The following PIH1D2 variants were observed in gnomAD, a reference collection of about 807,000 sequenced individuals.
The protein encoded by PIH1D2 is PIH1 domain-containing protein 2.
A neutral mutation model predicts 31.2 loss-of-function variants in PIH1D2; 25 were observed. That is an observed-to-expected ratio of 0.80 (90% CI 0.58 to 1.12). The LOEUF is 1.12. Among genes scored for constraint, PIH1D2 ranks in the 50% most tolerant of loss-of-function variants. The pLI is 0.00. For synonymous variants in PIH1D2, 116 were observed against 119.9 expected, an observed-to-expected ratio of 0.97 and a Z score of 0.21; for missense variants, 310 against 356.6, an observed-to-expected ratio of 0.87 and a Z score of 1.05.
At chr11:112,067,216 T>A (rs146243231), downstream of PIH1D2, among the ~76,000 whole-genome samples, 1,628 of 152,314 alleles carry the variant, frequency 0.011, 24 homozygotes, top group African/African-American at 0.037. Flanking sequence ...CTAGAGACTT[T>A]TTCAAGCAGT....
chr11:112,073,010 C>G lies in PIH1D2; in HGVS notation c.165G>C (p.Gln55His). ...CAAPEPQLCL[Q>H]TRILKPKEKI... ...CAACTCGACATACCAGAATCCTGGTCTGTAGACAAAGCTGTGGTTCTGGGG... is the reference window on the plus strand; with the variant it reads ...CAACTCGACATACCAGAATCCTGGTGTGTAGACAAAGCTGTGGTTCTGGGG... Residue 55 changes from glutamine to histidine, a missense_variant, in exon 2 of 6, where the codon CAG (glutamine) becomes CAC (histidine). Physicochemically the swap from Gln to His is conservative, Grantham distance 24. Transcript: ENST00000280350. The G allele has an allele frequency of 1.2e-6, 2 of 1,611,164 alleles. No homozygotes were observed. Among genetic ancestry groups the G allele is most frequent in the East Asian group, 2.2e-5 (1 of 44,838 alleles).
At chr11:112,055,319 C>T in the PIH1D2 span, among the ~76,000 whole-genome samples, 1 of 143,434 alleles carries the variant, frequency 7.0e-6, no homozygotes, top group African/African-American at 2.6e-5. Context: ...TCTCGGCTCA[C>T]TGCAACCTCC....
At chr11:112,065,073 C>T (rs893532473), downstream of PIH1D2, among the ~76,000 whole-genome samples, 1 of 151,874 alleles carries the variant, frequency 6.6e-6, no homozygotes. Context: ...ATCTCCTGAC[C>T]TTGTGATCTG....
At chr11:112,070,741 TC>T in intron 4 of PIH1D2, 40 bp from the exon 5 acceptor site, 1 of 1,582,652 alleles carries the variant, frequency 6.3e-7, no homozygotes, top group Non-Finnish European at 8.6e-7. Context: ...AAAAAATAAA[TC>T]TACAACATAA....
chr11:112,068,501 G>T (rs1865005029), intron 5 of PIH1D2, among the ~76,000 whole-genome samples: 2 of 152,176 alleles, frequency 1.3e-5, no homozygotes, highest in Admixed American at 1.3e-4. Flanking sequence ...AAAGGGAATT[G>T]GCTGAGTGCG....
downstream of PIH1D2, chr11:112,067,672 A>T (rs1864966281): frequency 1.4e-5 from 1 of 69,838 alleles, no homozygotes; most frequent in Non-Finnish European, 2.9e-5. Flanking sequence ...CAAAAAAAAA[A>T]AAAAAAAAAA....
downstream of PIH1D2, among the ~76,000 whole-genome samples, chr11:112,059,480 C>T (rs1177072553): frequency 6.6e-6 from 1 of 151,916 alleles, no homozygotes; most frequent in Non-Finnish European, 1.5e-5. Context: ...GCAACCTCCA[C>T]CTCCCAGGTT....
chr11:112,059,791 A>ATTTTTT (rs1864434062), downstream of PIH1D2: 3 of 851,238 alleles, frequency 3.5e-6, no homozygotes, highest in Non-Finnish European at 5.3e-6. Context: ...CTGAACAATA[A>ATTTTTT]CACACATTGG....
the PIH1D2 span, among the ~76,000 whole-genome samples, chr11:112,054,941 T>G: frequency 6.6e-6 from 1 of 152,170 alleles, no homozygotes; most frequent in African/African-American, 2.4e-5. Flanking sequence ...TCTCTTCTCT[T>G]AAGAGGACAG....
At chr11:112,057,483 C>T in the PIH1D2 span, among the ~76,000 whole-genome samples, 1,584 of 152,330 alleles carry the variant, frequency 0.01, 25 homozygotes, top group African/African-American at 0.035. Flanking sequence ...AAGTACTATC[C>T]TGGTGAACAC....
downstream of PIH1D2, among the ~76,000 whole-genome samples, chr11:112,058,642 C>CTT (rs587655131): frequency 7.2e-6 from 1 of 139,550 alleles, no homozygotes. Context: ...GGGGAATCAC[C>CTT]TTTTTTTTTT....
downstream of PIH1D2, among the ~76,000 whole-genome samples, chr11:112,065,280 C>T (rs587628808): frequency 2.2e-4 from 34 of 152,208 alleles, no homozygotes; most frequent in African/African-American, 7.5e-4. Context: ...TTTATTAATA[C>T]AAAATGAGTG....
chr11:112,069,255 C>T (rs1450750851), intron 5 of PIH1D2, among the ~76,000 whole-genome samples: 1 of 151,896 alleles, frequency 6.6e-6, no homozygotes, highest in Non-Finnish European at 1.5e-5. Context: ...CACCCCCCTT[C>T]GGCCTCCCAA....
chr11:112,069,471 G>T (rs1468534531), intron 5 of PIH1D2, among the ~76,000 whole-genome samples: 1 of 152,100 alleles, frequency 6.6e-6, no homozygotes, highest in Admixed American at 6.5e-5. Flanking sequence ...TGGACTAAAA[G>T]AAACTGCCTT....
downstream of PIH1D2, among the ~76,000 whole-genome samples, chr11:112,065,515 T>C (rs1200156126): frequency 6.6e-6 from 1 of 152,140 alleles, no homozygotes; most frequent in Non-Finnish European, 1.5e-5. Flanking sequence ...CTCAGTTTTT[T>C]TGAGGGGTGA....
At chr11:112,065,735 C>T (rs1160356780), downstream of PIH1D2, among the ~76,000 whole-genome samples, 5 of 152,198 alleles carry the variant, frequency 3.3e-5, no homozygotes, top group Admixed American at 6.5e-5. Flanking sequence ...AATCCCAACA[C>T]GTTGGGAGGC....
chr11:112,067,944 A>C lies in PIH1D2; in HGVS notation c.875T>G (p.Ile292Ser). 2.5e-6 allele frequency: 4 copies of C among 1,609,038 alleles called. No individual in the cohort carries two copies. Among genetic ancestry groups the C allele is most frequent in the Non-Finnish European group, 3.4e-6 (4 of 1,175,944 alleles). The change falls in exon 6 of 6, where the codon ATT becomes AGT. Residue 292 changes from isoleucine to serine, a missense_variant. Coordinates refer to ENST00000280350, the MANE Select transcript of PIH1D2 (RefSeq NM_138789.4). ...YRLHLNLPKLIDTEMTTAKFI... is the reference protein window; with the variant it reads ...YRLHLNLPKLSDTEMTTAKFI... ...TTTTGCTGTGGTCATTTCAGTATCA[A>C]TAAGTTTTGGAAGATTCAGATGTAA...
chr11:112,063,944 TA>T, downstream of PIH1D2: 1 of 416,338 alleles, frequency 2.4e-6, no homozygotes, highest in African/African-American at 2.0e-5. Flanking sequence ...AAATTTGCTT[TA>T]AGTGTTTCAG....
Position 112,071,249 on chromosome 11 carries a change from A to G in PIH1D2, c.336T>C (p.Pro112=), listed in dbSNP as rs1555184588. The G allele has an allele frequency of 1.9e-6, 3 of 1,613,646 alleles. No homozygotes were observed. In the East Asian group the frequency reaches 6.7e-5, roughly 36 times the overall value. ...AYTVIDVAYN[P]DVLHAAEKDQ... ...CCTTTTCTGCTGCATGAAGAACATCAGGATTGTAGGCAACATCAATGACTG... is the reference window on the plus strand; with the variant it reads ...CCTTTTCTGCTGCATGAAGAACATCGGGATTGTAGGCAACATCAATGACTG... Residue 112 remains proline, a synonymous_variant, in exon 4 of 6, where the codon CCT becomes CCC. Transcript: ENST00000280350.
Sources: gnomAD v4.1 joint callset for allele counts (sites outside exome capture counted in the v4.1 genomes callset) on GRCh38, gnomAD v4.1.1 for gene constraint, MANE v1.5 for transcripts, NCBI Gene and HGNC (gene_info 2026-07-23, HGNC 2026-07-21) for gene names.